Variants in CFAP54 observed in about 807,000 individuals in gnomAD.
The protein encoded by CFAP54 is cilia and flagella associated protein 54.
Under a neutral mutation model 370.4 loss-of-function variants are expected in CFAP54, and 290 were observed. The ratio of observed to expected loss-of-function variants is 0.78; its 90% CI spans 0.71 to 0.86. CFAP54 has a LOEUF of 0.86. Among genes scored for constraint, CFAP54 ranks in the 40% least tolerant of loss-of-function variants. The pLI is 0.00. For synonymous variants in CFAP54, 1,206 were observed against 1,236.5 expected, an observed-to-expected ratio of 0.98 and a Z score of 0.52; for missense variants, 3,399 against 3,528.7, an observed-to-expected ratio of 0.96 and a Z score of 0.93.
chr12:96,684,915 A>G, intron 41 of CFAP54, 114 bp from the exon 42 acceptor site: 1 of 1,008,218 alleles, frequency 9.9e-7, no homozygotes, highest in South Asian at 1.5e-5. Flanking sequence ...AATGTATTAT[A>G]GTTATACGTA....
At chr12:96,827,702 T>TATTATATATAATTATATATAATATA (rs1959133023) in intron 65 of CFAP54, among the ~76,000 whole-genome samples, 1 of 128,620 alleles carries the variant, frequency 7.8e-6, no homozygotes, top group African/African-American at 2.9e-5. Context: ...TAATATATTA[T>TATTATATATAATTATATATAATATA]ATTATATATA....
rs1956104636 is a variant in CFAP54, at chr12:96,589,420, G to A, written c.3076-7G>A. On this transcript the variant is annotated splice_region_variant and splice_polypyrimidine_tract_variant and intron_variant, in intron 22 of 67. Transcript: ENST00000524981. ...ACTATTACATAAATATGTGCTTTTT[G>A]TTATAGGTTGCCTATCAAGTTGGTA... The A allele has an allele frequency of 6.6e-7, 1 of 1,520,660 alleles. No homozygotes were observed. Among genetic ancestry groups the A allele is most frequent in the Non-Finnish European group, 8.8e-7 (1 of 1,137,140 alleles). 94.2% of individuals were successfully genotyped at this position (1,520,660 alleles called of 1,614,324 possible).
chr12:96,665,022 A>ACTGGTATCTCATATCTCATCT (rs1957062797), intron 39 of CFAP54, among the ~76,000 whole-genome samples: 1 of 151,514 alleles, frequency 6.6e-6, no homozygotes. Context: ...GACTGGTGTG[A>ACTGGTATCTCATATCTCATCT]GATGGTATCT....
intron 30 of CFAP54, among the ~76,000 whole-genome samples, chr12:96,628,650 G>T (rs77136720): frequency 2.0e-5 from 3 of 152,158 alleles, no homozygotes; most frequent in Non-Finnish European, 2.9e-5. Flanking sequence ...TTGCCCAAAC[G>T]AATGTCAACT....
intron 32 of CFAP54, among the ~76,000 whole-genome samples, chr12:96,639,512 T>G (rs1281999360): frequency 2.0e-5 from 3 of 152,224 alleles, no homozygotes; most frequent in East Asian, 3.8e-4. Flanking sequence ...AAGGAGGAGC[T>G]GGTACCATTC....
In CFAP54 at chr12:96,671,903, C is replaced by A. The variant is rs199669949; in HGVS notation, c.5564-7697C>A. 3.4e-5 allele frequency among the ~76,000 whole-genome samples: 5 copies of A among 145,812 alleles called. No individual in the cohort carries two copies. The Admixed American group carries it at 3.5e-4, about 10-fold the overall frequency. On this transcript the variant is annotated intron_variant, in intron 39 of 67. Transcript: ENST00000524981. ...TGCCATTGCACTCCAGCCTGCATGA[C>A]AAGAGTGAAACTCTTATCTCAAAAA...
intron 26 of CFAP54, among the ~76,000 whole-genome samples, chr12:96,610,567 C>A (rs555031400): frequency 2.6e-5 from 4 of 152,038 alleles, no homozygotes; most frequent in Non-Finnish European, 5.9e-5. Context: ...GCCCACTGAG[C>A]GTGAGCCGAA....
intron 63 of CFAP54, among the ~76,000 whole-genome samples, chr12:96,806,198 ATATATATATAT>A (rs1958877993): frequency 1.1e-5 from 1 of 88,402 alleles, no homozygotes; most frequent in Non-Finnish European, 2.4e-5. Context: ...ATATATATAT[ATATATATATAT>A]ATATAATAAC....
intron 32 of CFAP54, among the ~76,000 whole-genome samples, chr12:96,640,226 C>T (rs192249475): frequency 6.6e-6 from 1 of 152,294 alleles, no homozygotes; most frequent in East Asian, 1.9e-4. Flanking sequence ...GCAACTTCAG[C>T]AAAGTCTCAG....
chr12:96,512,883 G>GA (rs1955188713), intron 4 of CFAP54, 103 bp from the exon 5 acceptor site: 2 of 590,262 alleles, frequency 3.4e-6, no homozygotes, highest in African/African-American at 1.9e-5. Context: ...TTCCTCATAA[G>GA]ATCACTTGTT....
intron 39 of CFAP54, among the ~76,000 whole-genome samples, chr12:96,665,407 T>G (rs779432357): frequency 6.6e-6 from 1 of 152,224 alleles, no homozygotes; most frequent in African/African-American, 2.4e-5. Flanking sequence ...GCCTATGTCC[T>G]GAATGGTATT....
At chr12:96,572,443 T>A (rs1426585645) in intron 19 of CFAP54, among the ~76,000 whole-genome samples, 1 of 152,150 alleles carries the variant, frequency 6.6e-6, no homozygotes, top group Non-Finnish European at 1.5e-5. Flanking sequence ...GAGTGATTTT[T>A]TTTTTTTATG....
chr12:96,844,794 C>T (rs1959292141), intron 66 of CFAP54, among the ~76,000 whole-genome samples: 1 of 152,222 alleles, frequency 6.6e-6, no homozygotes, highest in African/African-American at 2.4e-5. Context: ...AGCTCCTTCT[C>T]ACCGTGTCTG....
chr12:96,689,650 T>G (rs1331594533), intron 43 of CFAP54, among the ~76,000 whole-genome samples: 1 of 152,138 alleles, frequency 6.6e-6, no homozygotes. Context: ...GGTTATATGA[T>G]ATAAAATCTA....
At chr12:96,760,724 T>C (rs1358203888) in intron 58 of CFAP54, among the ~76,000 whole-genome samples, 1 of 152,210 alleles carries the variant, frequency 6.6e-6, no homozygotes, top group Non-Finnish European at 1.5e-5. Context: ...TTGTCTTGTT[T>C]ATGCCTGCTT....
In CFAP54 at chr12:96,792,500, G is replaced by T; in HGVS notation, c.8850+1G>T. 3 of 1,527,368 alleles carry T rather than the reference G, an allele frequency of 2.0e-6. No homozygotes were observed. The highest frequency in any genetic ancestry group is 2.5e-5 in the East Asian group (1 of 40,796). The allele number at this position is 1,527,368 out of a possible 1,614,324, so 94.6% of individuals were successfully genotyped here. A position where few individuals can be genotyped will look rare whatever the true frequency, so the allele number is the denominator to read the frequency against. Reference sequence around the variant, plus strand: ...ACCTCCCAAGGAGACAGAACCTATGGTATGTAATGTACTTATAGAACTCAA... The same window carrying T: ...ACCTCCCAAGGAGACAGAACCTATGTTATGTAATGTACTTATAGAACTCAA... On this transcript the variant is annotated splice_donor_variant, in intron 63 of 67. Transcript: ENST00000524981. LOFTEE classifies it high-confidence loss of function.
chr12:96,513,423 T>G (rs1331586744), intron 5 of CFAP54, among the ~76,000 whole-genome samples: 2 of 152,100 alleles, frequency 1.3e-5, no homozygotes, highest in African/African-American at 4.8e-5. Context: ...TTAGTAATTA[T>G]CAGTAGTGCC....
At chr12:96,827,768 TTATA>T (rs1314996703) in intron 65 of CFAP54, among the ~76,000 whole-genome samples, 1 of 59,434 alleles carries the variant, frequency 1.7e-5, no homozygotes, top group African/African-American at 6.1e-5. Flanking sequence ...ACATATTATA[TTATA>T]TATAGTTATA....
intron 58 of CFAP54, among the ~76,000 whole-genome samples, chr12:96,762,724 T>C (rs6538737): frequency 0.36 from 55,278 of 152,070 alleles, 10,802 homozygotes; most frequent in East Asian, 0.58. Context: ...AGTCAGTAAG[T>C]TAGCAATTGT....
Sources: gnomAD v4.1 joint callset for allele counts (sites outside exome capture counted in the v4.1 genomes callset) on GRCh38, gnomAD v4.1.1 for gene constraint, MANE v1.5 for transcripts, NCBI Gene and HGNC (gene_info 2026-07-23, HGNC 2026-07-21) for gene names.